Variants in SCN7A observed in about 807,000 individuals in gnomAD.
SCN7A encodes the protein sodium channel protein type 7 subunit alpha.
In SCN7A, 138 loss-of-function variants were observed where a neutral mutation model predicts 155.2. The ratio of observed to expected loss-of-function variants is 0.89; its 90% CI spans 0.77 to 1.02. The LOEUF is 1.02. SCN7A is among the 50% of genes least tolerant of loss of function. SCN7A has a pLI of 0.00. For synonymous variants in SCN7A, 693 were observed against 649.0 expected, an observed-to-expected ratio of 1.07 and a Z score of -1.03; for missense variants, 2,058 against 1,986.6, an observed-to-expected ratio of 1.04 and a Z score of -0.68.
chr2:166,414,002 T>TATATATATATATAA lies in SCN7A; in HGVS notation c.3415-882_3415-881insTTATATATATATAT, dbSNP rs1443391022. Among the ~76,000 whole-genome samples the TATATATATATATAA allele has an allele frequency of 1.2e-4, 11 of 90,316 alleles. 2 individuals are homozygous for TATATATATATATAA. Among genetic ancestry groups the TATATATATATATAA allele is most frequent in the African/African-American group, 4.1e-4 (9 of 22,058 alleles). The allele number at this position is 90,316 out of a possible 152,430, so 59.3% of individuals were successfully genotyped here. A position where few individuals can be genotyped will look rare whatever the true frequency, so the allele number is the denominator to read the frequency against. ...ATGTGTATATATATATATATATATATAAATATACTATATATATGTAAATAT... is the reference window on the plus strand; with the variant it reads ...ATGTGTATATATATATATATATATATATATATATATATAAAAATATACTATATATATGTAAATAT... On this transcript the variant is annotated intron_variant, in intron 21 of 25. Coordinates refer to ENST00000643258, the MANE Select transcript of SCN7A (RefSeq NM_002976.4).
Position 166,443,662 on chromosome 2 carries a change from A to G in SCN7A, c.1641T>C (p.Ile547=), listed in dbSNP as rs1002152301. The stretch of plus-strand genomic sequence containing the variant: ...TTTTAAAAATCATTTCTGCTGTGAA[A>G]ATTCCAATGAAAACCTAAATCAAAA... The part of the protein sequence containing the change: ...LNIGNLVFIG[I]FTAEMIFKII... Residue 547 remains isoleucine, a synonymous_variant, in exon 14 of 26, where the codon ATT becomes ATC. Coordinates refer to ENST00000643258, the MANE Select transcript of SCN7A (RefSeq NM_002976.4). 1.3e-6 allele frequency: 2 copies of G among 1,540,514 alleles called. No individual in the cohort carries two copies. The highest frequency in any genetic ancestry group is 2.1e-5 in the Admixed American group (1 of 47,964).
At chr2:166,479,753 C>T (rs1702878246) in intron 2 of SCN7A, among the ~76,000 whole-genome samples, 1 of 152,102 alleles carries the variant, frequency 6.6e-6, no homozygotes, top group Non-Finnish European at 1.5e-5. Flanking sequence ...GAACCAGTCA[C>T]AAATGACTGG....
intron 11 of SCN7A, among the ~76,000 whole-genome samples, chr2:166,451,776 C>A (rs1197319401): frequency 6.6e-6 from 1 of 152,152 alleles, no homozygotes; most frequent in South Asian, 2.1e-4. Flanking sequence ...AAGGACCATG[C>A]CTCTCTGCTT....
At chr2:166,470,038 C>G (rs1292540178) in intron 7 of SCN7A, among the ~76,000 whole-genome samples, 1 of 151,822 alleles carries the variant, frequency 6.6e-6, no homozygotes, top group Admixed American at 6.6e-5. Context: ...TTCACAATAA[C>G]AAACTAGAAG....
chr2:166,461,598 C>T (rs1702411018), intron 10 of SCN7A, among the ~76,000 whole-genome samples: 1 of 152,118 alleles, frequency 6.6e-6, no homozygotes, highest in Admixed American at 6.5e-5. Context: ...TAAATAATTG[C>T]TTAAGATATG....
intron 25 of SCN7A, 43 bp from the exon 26 acceptor site, chr2:166,406,689 A>G: frequency 2.3e-6 from 3 of 1,297,394 alleles, no homozygotes; most frequent in Non-Finnish European, 3.2e-6. Context: ...TTATTCAAAC[A>G]CAATAGTATT....
intron 18 of SCN7A, among the ~76,000 whole-genome samples, 171 bp from the exon 19 acceptor site, chr2:166,423,603 A>G (rs1701558816): frequency 1.3e-5 from 2 of 152,048 alleles, no homozygotes; most frequent in African/African-American, 4.8e-5. Context: ...CATAATCTAT[A>G]AGTATTATTA....
chr2:166,409,827 C>T lies in SCN7A; in HGVS notation c.3820G>A (p.Val1274Ile), dbSNP rs761405354. ...QAIAMMIDTD[V>I]QSLQMSIALY... The stretch of plus-strand genomic sequence containing the variant: ...GCAATGGACATTTGTAGACTCTGAA[C>T]ATCAGTGTCTATCATCATGGCTATT... Residue 1274 changes from valine (V) to isoleucine (I), a missense_variant, in exon 25 of 26, where the codon GTT (valine) becomes ATT (isoleucine). Transcript: ENST00000643258. 1.3e-6 allele frequency: 2 copies of T among 1,572,874 alleles called. No individual in the cohort carries two copies. Among genetic ancestry groups the T allele is most frequent in the East Asian group, 2.3e-5 (1 of 43,262 alleles).
intron 5 of SCN7A, 93 bp downstream of exon 5, chr2:166,473,706 G>A (rs991441098): frequency 3.1e-5 from 9 of 288,648 alleles, no homozygotes; most frequent in Non-Finnish European, 4.5e-5. Flanking sequence ...AAAATATAAT[G>A]TATCATAATT....
At chr2:166,450,823 T>C (rs1702162256) in intron 11 of SCN7A, among the ~76,000 whole-genome samples, 1 of 152,162 alleles carries the variant, frequency 6.6e-6, no homozygotes, top group African/African-American at 2.4e-5. Context: ...GGTTAGATTT[T>C]TTTTGTTTGT....
At chr2:166,449,610 T>C (rs75558853) in intron 11 of SCN7A, among the ~76,000 whole-genome samples, 2,359 of 152,112 alleles carry the variant, frequency 0.016, 73 homozygotes, top group East Asian at 0.12. Flanking sequence ...GAGCTCCAGT[T>C]CCTCTTTTTT....
At chr2:166,423,850 T>C (rs752128573) in intron 18 of SCN7A, among the ~76,000 whole-genome samples, 2 of 152,062 alleles carry the variant, frequency 1.3e-5, no homozygotes, top group Admixed American at 6.6e-5. Context: ...AACAGATATG[T>C]TTTTAAAATG....
At chr2:166,485,185 G>A (rs1439653215) in intron 2 of SCN7A, among the ~76,000 whole-genome samples, 1 of 152,122 alleles carries the variant, frequency 6.6e-6, no homozygotes, top group Admixed American at 6.6e-5. Flanking sequence ...CTAGAAGACA[G>A]CAAGCTAATC....
chr2:166,414,266 A>G (rs1559088676), intron 21 of SCN7A, among the ~76,000 whole-genome samples: 1 of 28,378 alleles, frequency 3.5e-5, no homozygotes. Context: ...ATATATATAC[A>G]CACACATATA....
chr2:166,478,294 T>C (rs1702846133), intron 2 of SCN7A, among the ~76,000 whole-genome samples: 1 of 149,672 alleles, frequency 6.7e-6, no homozygotes, highest in East Asian at 1.9e-4. Context: ...GAACTTAAAG[T>C]ATAATAAAAA....
chr2:166,432,853 C>A, intron 15 of SCN7A, 101 bp from the exon 16 acceptor site: 1 of 769,782 alleles, frequency 1.3e-6, no homozygotes, highest in Middle Eastern at 3.6e-4. Flanking sequence ...TTAATATCTA[C>A]TCTGTTAGCA....
intron 2 of SCN7A, among the ~76,000 whole-genome samples, chr2:166,483,899 A>G (rs1235500104): frequency 6.6e-6 from 1 of 151,966 alleles, no homozygotes. Flanking sequence ...TATACCTAAG[A>G]GAAGAAGTCA....
At chr2:166,427,263 T>C (rs1275454989) in intron 18 of SCN7A, among the ~76,000 whole-genome samples, 2 of 152,122 alleles carry the variant, frequency 1.3e-5, no homozygotes, top group East Asian at 3.9e-4. Flanking sequence ...GTGAATTACC[T>C]TGTAGAACCA....
At chr2:166,408,029 C>CT (rs1245855601) in intron 25 of SCN7A, among the ~76,000 whole-genome samples, 3 of 151,928 alleles carry the variant, frequency 2.0e-5, no homozygotes, top group Non-Finnish European at 4.4e-5. Context: ...CTGGCTCTAT[C>CT]TTGAAGACTC....
Sources: gnomAD v4.1 joint callset for allele counts (sites outside exome capture counted in the v4.1 genomes callset) on GRCh38, gnomAD v4.1.1 for gene constraint, MANE v1.5 for transcripts, NCBI Gene and HGNC (gene_info 2026-07-23, HGNC 2026-07-21) for gene names.